Variants in OSBPL8 observed in about 807,000 individuals in gnomAD.
The protein encoded by OSBPL8 is oxysterol binding protein like 8.
Under a neutral mutation model 125.5 loss-of-function variants are expected in OSBPL8, and 59 were observed. The ratio of observed to expected loss-of-function variants is 0.47; its 90% CI spans 0.38 to 0.58. The LOEUF (loss-of-function observed/expected upper bound fraction) is 0.58. OSBPL8 is among the 20% of genes least tolerant of loss of function. The probability of loss-of-function intolerance (pLI) is 0.00; values close to 1 mark genes in which losing one functional copy is unlikely to be tolerated. For missense variants in OSBPL8, 758 were observed against 1,047.8 expected (o/e 0.72, Z 3.82); for synonymous variants, 330 against 338.9 (o/e 0.97, Z 0.29).
chr12:76,499,053 G>C (rs1879588729), intron 1 of OSBPL8, among the ~76,000 whole-genome samples: 1 of 152,120 alleles, frequency 6.6e-6, no homozygotes, highest in Non-Finnish European at 1.5e-5. Context: ...GGGAAAGGCA[G>C]ACCCACCCTT....
rs115701342 is a variant in OSBPL8, at chr12:76,542,959, G to A, written c.-68+16438C>T. Among the ~76,000 whole-genome samples, 413 of 152,234 alleles carry A rather than the reference G, an allele frequency of 2.7e-3. 6 individuals are homozygous for A. The highest frequency in any genetic ancestry group is 9.7e-3 in the African/African-American group (401 of 41,536). On this transcript the variant is annotated intron_variant, in intron 1 of 23. Coordinates refer to ENST00000261183, the MANE Select transcript of OSBPL8 (RefSeq NM_020841.5). The stretch of plus-strand genomic sequence containing the variant: ...AAAATCTTTAAACAAGATGTTCTGC[G>A]AGAAATATTCTTTTCTCCTTCAGAT...
chr12:76,480,935 T>C (rs1265222735), intron 2 of OSBPL8, among the ~76,000 whole-genome samples: 4 of 152,232 alleles, frequency 2.6e-5, no homozygotes, highest in African/African-American at 9.7e-5. Context: ...TCTGATTTTC[T>C]GAGTGGGTTA....
intron 4 of OSBPL8, among the ~76,000 whole-genome samples, chr12:76,418,010 C>CTTTT (rs35319213): frequency 0.029 from 3,286 of 111,482 alleles, 103 homozygotes; most frequent in South Asian, 0.048. Flanking sequence ...TTTTCACTAC[C>CTTTT]TTTTTTTTTT....
At chr12:76,393,659 C>T (rs1483524335) in intron 9 of OSBPL8, among the ~76,000 whole-genome samples, 2 of 126,528 alleles carry the variant, frequency 1.6e-5, no homozygotes, top group Non-Finnish European at 3.1e-5. Context: ...TGCAGTGAGC[C>T]GAGATCGCAT....
At chr12:76,490,448 T>C (rs1251896215) in intron 1 of OSBPL8, among the ~76,000 whole-genome samples, 1 of 152,198 alleles carries the variant, frequency 6.6e-6, no homozygotes, top group Admixed American at 6.5e-5. Flanking sequence ...TCGGGGACTA[T>C]GGCTGGACGT....
At chr12:76,401,620 A>AT (rs1355998401) in intron 6 of OSBPL8, among the ~76,000 whole-genome samples, 1 of 152,104 alleles carries the variant, frequency 6.6e-6, no homozygotes, top group Non-Finnish European at 1.5e-5. Context: ...TCCCAAAGCT[A>AT]TTTTTTTAAC....
chr12:76,461,803 G>A lies in OSBPL8; in HGVS notation c.43-1908C>T, dbSNP rs1027248766. On this transcript the variant is annotated intron_variant, in intron 2 of 23. Transcript: ENST00000261183. ...CACTATCCTGACTGCAACCACATGA[G>A]AGACTGAGTGAGAGACTTCTAGCTA... Among the ~76,000 whole-genome samples, 8 of 152,276 alleles carry A rather than the reference G, an allele frequency of 5.3e-5. No homozygotes were observed. In the South Asian group the frequency reaches 1.7e-3, roughly 32 times the overall value.
chr12:76,459,541 T>C (rs1874456182), intron 3 of OSBPL8, among the ~76,000 whole-genome samples: 1 of 152,196 alleles, frequency 6.6e-6, no homozygotes, highest in Admixed American at 6.5e-5. Flanking sequence ...GCTAGATCTA[T>C]GCCATGTGAT....
chr12:76,374,070 AAAAAT>A (rs1952722138), intron 17 of OSBPL8, among the ~76,000 whole-genome samples: 3 of 152,180 alleles, frequency 2.0e-5, no homozygotes, highest in Admixed American at 2.0e-4. Context: ...AAGGTGAAAG[AAAAAT>A]AAAATAAAAG....
chr12:76,504,976 C>G (rs1880268096), intron 1 of OSBPL8, among the ~76,000 whole-genome samples: 1 of 152,072 alleles, frequency 6.6e-6, no homozygotes, highest in Non-Finnish European at 1.5e-5. Context: ...GACTATTTTC[C>G]CACACCCCAT....
At chr12:76,500,046 CATATT>C (rs1324826049) in intron 1 of OSBPL8, among the ~76,000 whole-genome samples, 3 of 152,278 alleles carry the variant, frequency 2.0e-5, no homozygotes, top group South Asian at 4.1e-4. Context: ...TTCACGCCTA[CATATT>C]ATATCAGTTT....
rs1370888658 is a variant in OSBPL8, at chr12:76,371,602, C to A, written c.1918-18G>T. On this transcript the variant is annotated intron_variant, in intron 18 of 23. Coordinates refer to ENST00000261183, the MANE Select transcript of OSBPL8 (RefSeq NM_020841.5). ...TCACTATCCTATATTTAAAAAAATT[C>A]AAAATTAATGTAAAGAATTATACTT... 4 of 1,529,672 alleles carry A rather than the reference C, an allele frequency of 2.6e-6. No individual in the cohort carries two copies. The highest frequency in any genetic ancestry group is 3.5e-6 in the Non-Finnish European group (4 of 1,137,994). The allele number at this position is 1,529,672 out of a possible 1,614,324, so 94.8% of individuals were successfully genotyped here. A position where few individuals can be genotyped will look rare whatever the true frequency, so the allele number is the denominator to read the frequency against.
chr12:76,510,890 A>AG (rs1221147393), intron 1 of OSBPL8, among the ~76,000 whole-genome samples: 23 of 144,666 alleles, frequency 1.6e-4, no homozygotes, highest in Non-Finnish European at 2.7e-4. Context: ...TCAAAAAAAA[A>AG]AAAAAAAATA....
At chr12:76,433,567 A>G (rs1441318141) in intron 4 of OSBPL8, among the ~76,000 whole-genome samples, 1 of 152,220 alleles carries the variant, frequency 6.6e-6, no homozygotes, top group East Asian at 1.9e-4. Context: ...AAATGGAAAG[A>G]CATCCCATTT....
intron 1 of OSBPL8, among the ~76,000 whole-genome samples, chr12:76,542,129 C>A (rs1950661753): frequency 6.6e-6 from 1 of 152,178 alleles, no homozygotes; most frequent in African/African-American, 2.4e-5. Flanking sequence ...CAAGATCATG[C>A]CATTGCACCC....
chr12:76,451,082 G>T, intron 3 of OSBPL8, 94 bp from the exon 4 acceptor site: 1 of 1,307,026 alleles, frequency 7.7e-7, no homozygotes, highest in Non-Finnish European at 1.0e-6. Flanking sequence ...AACTGAAATG[G>T]CCTTGGTGGT....
intron 19 of OSBPL8, 182 bp downstream of exon 19, chr12:76,371,266 A>C (rs1952608102): frequency 1.8e-6 from 1 of 563,218 alleles, no homozygotes; most frequent in South Asian, 7.3e-5. Context: ...CAGAAAAGCA[A>C]GACGATTTAT....
At chr12:76,554,841 T>A (rs2137532749) in intron 1 of OSBPL8, among the ~76,000 whole-genome samples, 1 of 152,296 alleles carries the variant, frequency 6.6e-6, no homozygotes, top group African/African-American at 2.4e-5. Context: ...ATTTGATGAC[T>A]CTTCTTAGTC....
At chr12:76,520,287 G>A (rs1385464296) in intron 1 of OSBPL8, among the ~76,000 whole-genome samples, 1 of 152,160 alleles carries the variant, frequency 6.6e-6, no homozygotes, top group Non-Finnish European at 1.5e-5. Context: ...CTCTAGTGCA[G>A]AGTTCTTTCT....
Sources: gnomAD v4.1 joint callset for allele counts (sites outside exome capture counted in the v4.1 genomes callset) on GRCh38, gnomAD v4.1.1 for gene constraint, MANE v1.5 for transcripts, NCBI Gene and HGNC (gene_info 2026-07-23, HGNC 2026-07-21) for gene names.